The following MYO1F variants were observed in gnomAD, a reference collection of about 807,000 sequenced individuals.
The protein encoded by MYO1F is unconventional myosin-If.
Under a neutral mutation model 146.6 loss-of-function variants are expected in MYO1F, and 60 were observed. The observed-to-expected ratio is 0.41, with a 90% confidence interval of 0.33 to 0.51. The LOEUF (loss-of-function observed/expected upper bound fraction) is 0.51. Among genes scored for constraint, MYO1F ranks in the 20% least tolerant of loss-of-function variants. MYO1F has a pLI of 0.25. For missense variants in MYO1F, 1,274 were observed against 1,534.3 expected (o/e 0.83, Z 2.83); for synonymous variants, 602 against 602.1 (o/e 1.00, Z 0.00).
At chr19:8,552,846 A>C (rs537929066) in intron 6 of MYO1F, among the ~76,000 whole-genome samples, 1 of 152,298 alleles carries the variant, frequency 6.6e-6, no homozygotes, top group East Asian at 1.9e-4. Context: ...TGGATGAGGG[A>C]ATAAATTGGA....
chr19:8,531,481 T>G (rs1201799976), intron 19 of MYO1F, among the ~76,000 whole-genome samples: 2 of 152,044 alleles, frequency 1.3e-5, no homozygotes, highest in Non-Finnish European at 2.9e-5. Context: ...CCTGAGTAGC[T>G]GGGACTACAG....
Position 8,522,692 on chromosome 19 carries a change from G to A in MYO1F, c.2992C>T (p.Arg998Cys), listed in dbSNP as rs773074453. ...SLGASRRPRA[R>C]PPSEHNTEFL... ...TCTGTGTTGTGCTCTGAGGGCGGAC[G>A]TGCCCGGGGTCGTCTGCTGGCTCCC... Residue 998 changes from arginine (R) to cysteine (C), a missense_variant, in exon 26 of 28, where the codon CGT (arginine) becomes TGT (cysteine). This residue lies in a region of MYO1F where 374 missense variants were observed against 379.2 expected (regional missense o/e 0.99). Coordinates refer to ENST00000644032, the MANE Select transcript of MYO1F (RefSeq NM_012335.4). The A allele has an allele frequency of 2.5e-5, 40 of 1,613,954 alleles. No homozygotes were observed. The highest frequency in any genetic ancestry group is 1.1e-4 in the South Asian group (10 of 91,086).
chr19:8,568,495 A>C (rs1162766860), intron 1 of MYO1F, among the ~76,000 whole-genome samples: 2 of 151,208 alleles, frequency 1.3e-5, no homozygotes, highest in Non-Finnish European at 2.9e-5. Context: ...TGCTCAAGTG[A>C]ATATCGTGTG....
Position 8,550,234 on chromosome 19 carries a change from C to T in MYO1F, c.1027G>A (p.Val343Met), listed in dbSNP as rs776825881. 1.8e-5 allele frequency: 29 copies of T among 1,614,076 alleles called. No individual in the cohort carries two copies. Among genetic ancestry groups the T allele is most frequent in the Admixed American group, 5.0e-5 (3 of 59,998 alleles). Residue 343 changes from valine to methionine, a missense_variant, in exon 10 of 28, where the codon GTG (valine) becomes ATG (methionine). Val to Met is a conservative substitution (Grantham distance 21, BLOSUM62 1). Transcript: ENST00000644032. ...TCACGGGTGTAGGCTGCCTGCTCCA[C>T]GTTGAGGGTCACATTGATGGACTCG... Reference protein sequence around the residue: ...RSESINVTLNVEQAAYTRDAL... With the variant: ...RSESINVTLNMEQAAYTRDAL...
At chr19:8,534,469 G>A (rs149670241) in intron 19 of MYO1F, among the ~76,000 whole-genome samples, 11 of 151,304 alleles carry the variant, frequency 7.3e-5, no homozygotes, top group African/African-American at 1.9e-4. Context: ...CACCATGCCC[G>A]GCTTATTTTG....
chr19:8,560,011 G>A (rs964520422), intron 1 of MYO1F, among the ~76,000 whole-genome samples: 2 of 151,512 alleles, frequency 1.3e-5, no homozygotes, highest in African/African-American at 4.8e-5. Context: ...TGCTGTGCCT[G>A]GTTTGGGGGA....
In MYO1F at chr19:8,551,629, G is replaced by C. The variant is rs1194184447; in HGVS notation, c.771+111C>G. The C allele has an allele frequency of 2.6e-6, 4 of 1,526,418 alleles. No individual in the cohort carries two copies. In the African/African-American group the frequency reaches 5.5e-5, roughly 21 times the overall value. 94.6% of individuals were successfully genotyped at this position (1,526,418 alleles called of 1,614,324 possible). Reference sequence around the variant, plus strand: ...GGCCTCCCAAAGTGCTGGGATTACAGGCTTGAGCCACATGCCTGGCCTGGG... The same window carrying C: ...GGCCTCCCAAAGTGCTGGGATTACACGCTTGAGCCACATGCCTGGCCTGGG... On this transcript the variant is annotated intron_variant, in intron 8 of 27. Coordinates refer to ENST00000644032, the MANE Select transcript of MYO1F (RefSeq NM_012335.4).
At chr19:8,524,184 G>A (rs1245979546) in intron 25 of MYO1F, among the ~76,000 whole-genome samples, 1 of 150,498 alleles carries the variant, frequency 6.6e-6, no homozygotes, top group Non-Finnish European at 1.5e-5. Flanking sequence ...AGTTTGGGAG[G>A]CCGAGGCGGG....
chr19:8,551,875 C>G lies in MYO1F; in HGVS notation c.637-1G>C, dbSNP rs1568359305. 6.2e-7 allele frequency: 1 copy of G among 1,614,120 alleles called. No individual in the cohort carries two copies. The highest frequency in any genetic ancestry group is 8.5e-7 in the Non-Finnish European group (1 of 1,180,022). On this transcript the variant is annotated splice_acceptor_variant, in intron 7 of 27. Transcript: ENST00000644032. LOFTEE classifies it high-confidence loss of function. ...GCTCCTGGGAGGCCCCTTCCAGCAG[C>G]TGGAGGGTGTGCCATGTTCATGCAT...
Position 8,541,403 on chromosome 19 carries a change from TTGTGTG to T in MYO1F, c.1610+497_1610+502del, listed in dbSNP as rs200079933. ...TACTTTACATCTAATGCTATGTTCT[TTGTGTG>T]TGTGTGTGTGTGTGTGTTTTTTTTT... On this transcript the variant is annotated intron_variant, in intron 15 of 27. Coordinates refer to ENST00000644032, the MANE Select transcript of MYO1F (RefSeq NM_012335.4). Among the ~76,000 whole-genome samples, 91 of 130,532 alleles carry T rather than the reference TTGTGTG, an allele frequency of 7.0e-4. 1 individual carries two copies. The highest frequency in any genetic ancestry group is 2.4e-3 in the African/African-American group (75 of 30,686). The allele number at this position is 130,532 out of a possible 152,430, so 85.6% of individuals were successfully genotyped here.
intron 19 of MYO1F, among the ~76,000 whole-genome samples, chr19:8,533,116 T>C (rs1191243912): frequency 6.6e-6 from 1 of 151,986 alleles, no homozygotes; most frequent in Non-Finnish European, 1.5e-5. Flanking sequence ...AGTGCAGTGG[T>C]GCGATCTCGG....
rs188180684 is a variant in MYO1F at position 8,548,321 on chromosome 19, C to A, written c.1102-4G>T. The A allele has an allele frequency of 3.1e-6, 5 of 1,604,012 alleles. No homozygotes were observed. The African/African-American group carries it at 6.0e-5, about 19-fold the overall frequency. On this transcript the variant is annotated splice_region_variant and splice_polypyrimidine_tract_variant and intron_variant, in intron 10 of 27. Coordinates refer to ENST00000644032, the MANE Select transcript of MYO1F (RefSeq NM_012335.4). ...TCTGCATAGCACGGTTGATGGCCTGCGGTGTGGGTGGGGACAGGAAGTCAG... is the reference window on the plus strand; with the variant it reads ...TCTGCATAGCACGGTTGATGGCCTGAGGTGTGGGTGGGGACAGGAAGTCAG...
At chr19:8,560,856 A>G (rs1974065218) in intron 1 of MYO1F, among the ~76,000 whole-genome samples, 1 of 150,816 alleles carries the variant, frequency 6.6e-6, no homozygotes, top group Admixed American at 6.7e-5. Flanking sequence ...CTCCTGCCTC[A>G]GCCTCCCGAG....
intron 1 of MYO1F, chr19:8,576,906 G>C (rs868913799): frequency 6.5e-6 from 2 of 307,096 alleles, no homozygotes; most frequent in Non-Finnish European, 1.2e-5. Context: ...TGTGGGAACC[G>C]GGGCCAAGAG....
chr19:8,525,988 T>C (rs1323997344), intron 24 of MYO1F, among the ~76,000 whole-genome samples: 1 of 152,136 alleles, frequency 6.6e-6, no homozygotes, highest in Non-Finnish European at 1.5e-5. Flanking sequence ...GCCACGTCCC[T>C]CCTCCACATT....
chr19:8,553,181 G>A lies in MYO1F; in HGVS notation c.462C>T (p.Phe154=), dbSNP rs748272023. The change falls in exon 6 of 28, where the codon TTC becomes TTT. Residue 154 remains phenylalanine (F), a synonymous_variant. Coordinates refer to ENST00000644032, the MANE Select transcript of MYO1F (RefSeq NM_012335.4). ...ILQSNPLLEA[F]GNAKTVRNNN... ...TGTTGCGCACAGTCTTGGCGTTGCCGAAGGCCTCGAGCAGCGGGTTGGACT... is the reference window on the plus strand; with the variant it reads ...TGTTGCGCACAGTCTTGGCGTTGCCAAAGGCCTCGAGCAGCGGGTTGGACT... 23 of 1,614,056 alleles carry A rather than the reference G, an allele frequency of 1.4e-5. No individual in the cohort carries two copies. The highest frequency in any genetic ancestry group is 1.0e-4 in the Admixed American group (6 of 59,988).
chr19:8,523,240 A>C (rs188587233), intron 25 of MYO1F, among the ~76,000 whole-genome samples: 2 of 151,998 alleles, frequency 1.3e-5, no homozygotes, highest in African/African-American at 2.4e-5. Context: ...TCATCATGTT[A>C]GCCAGGATGG....
At chr19:8,531,946 C>T (rs532568927) in intron 19 of MYO1F, among the ~76,000 whole-genome samples, 10 of 151,968 alleles carry the variant, frequency 6.6e-5, no homozygotes, top group East Asian at 1.9e-4. Context: ...GGTGAAACCC[C>T]GTCTCTACTA....
rs1279019140 is a variant in MYO1F, at chr19:8,526,918, A to G, written c.2492T>C (p.Phe831Ser). The G allele has an allele frequency of 6.2e-7, 1 of 1,613,874 alleles. No individual in the cohort carries two copies. Among genetic ancestry groups the G allele is most frequent in the Non-Finnish European group, 8.5e-7 (1 of 1,179,974 alleles). The change falls in exon 23 of 28, where the codon TTC becomes TCC. Residue 831 changes from phenylalanine to serine, a missense_variant. By Grantham distance (155) the Phe-to-Ser change is radical. Coordinates refer to ENST00000644032, the MANE Select transcript of MYO1F (RefSeq NM_012335.4). ...GGCGGCATCCTCTTGGAGGATGAAG[A>G]AGTCGTCCTGTCGCGTGCTGGGGAG... ...GVSLSTRQDD[F>S]FILQEDAADS...
Sources: gnomAD v4.1 joint callset for allele counts (sites outside exome capture counted in the v4.1 genomes callset) on GRCh38, gnomAD v4.1.1 for gene constraint, gnomAD v4.1.1 regional missense constraint, MANE v1.5 for transcripts, NCBI Gene and HGNC (gene_info 2026-07-23, HGNC 2026-07-21) for gene names.